Variants in CUX1 observed in about 807,000 individuals in gnomAD.
The protein encoded by CUX1 is cut like homeobox 1, also known as protein CASP.
A neutral mutation model predicts 158.8 loss-of-function variants in CUX1; 31 were observed. That is an observed-to-expected ratio of 0.20 (90% confidence interval 0.15 to 0.26). CUX1 has a LOEUF of 0.26. Ranked by LOEUF, CUX1 falls within the 10% of genes least tolerant of loss-of-function variation. CUX1 has a pLI of 1.00. For missense variants in CUX1, 1,589 were observed against 2,014.6 expected (o/e 0.79, Z 4.04); for synonymous variants, 879 against 862.1 (o/e 1.02, Z -0.34).
intron 3 of CUX1, among the ~76,000 whole-genome samples, chr7:102,066,459 C>T (rs991872002): frequency 4.6e-5 from 7 of 152,094 alleles, no homozygotes; most frequent in Non-Finnish European, 5.9e-5. Flanking sequence ...CGAAGTGTGC[C>T]GTGCAAATTA....
intron 3 of CUX1, among the ~76,000 whole-genome samples, chr7:102,040,291 C>T (rs1383249143): frequency 6.6e-6 from 1 of 152,094 alleles, no homozygotes; most frequent in African/African-American, 2.4e-5. Context: ...GACGGAACAT[C>T]AGAGGAAAGA....
intron 11 of CUX1, among the ~76,000 whole-genome samples, chr7:102,186,004 G>A (rs374913213): frequency 5.9e-5 from 9 of 152,202 alleles, no homozygotes; most frequent in African/African-American, 1.7e-4. Context: ...CAGCGGTAGC[G>A]TGACCTGACA....
intron 18 of CUX1, chr7:102,278,139 G>T: frequency 9.0e-7 from 1 of 1,107,396 alleles, no homozygotes; most frequent in South Asian, 1.5e-5. Flanking sequence ...TCTGGAGATG[G>T]GAGGGTCGGG....
downstream of CUX1, among the ~76,000 whole-genome samples, chr7:102,259,420 T>A (rs1294164496): frequency 6.6e-6 from 1 of 152,102 alleles, no homozygotes; most frequent in African/African-American, 2.4e-5. Flanking sequence ...AAACCCCGTC[T>A]CTACTAAAAA....
chr7:101,960,424 C>T (rs1263897856), intron 2 of CUX1: 1 of 152,172 alleles, frequency 6.6e-6, no homozygotes, highest in Non-Finnish European at 1.5e-5. Context: ...CACTTGAGCT[C>T]AGGAGTCTGA....
intron 2 of CUX1, among the ~76,000 whole-genome samples, chr7:101,929,216 A>T (rs1484393175): frequency 6.6e-6 from 1 of 152,074 alleles, no homozygotes; most frequent in Non-Finnish European, 1.5e-5. Flanking sequence ...ACGAACACTT[A>T]AAAAAATTAT....
At chr7:102,004,124 G>C (rs986327401) in intron 2 of CUX1, among the ~76,000 whole-genome samples, 7 of 152,206 alleles carry the variant, frequency 4.6e-5, no homozygotes, top group African/African-American at 1.4e-4. Flanking sequence ...GGTGGACCAG[G>C]TGAGCTATCC....
intron 1 of CUX1, among the ~76,000 whole-genome samples, chr7:101,895,679 C>G (rs1801386971): frequency 6.6e-6 from 1 of 152,110 alleles, no homozygotes. Context: ...ACCTGAAGTC[C>G]TGAATCCCTT....
intron 8 of CUX1, chr7:102,115,569 A>G: frequency 3.3e-6 from 1 of 303,114 alleles, no homozygotes; most frequent in Non-Finnish European, 6.0e-6. Context: ...TGTGGAGTTG[A>G]GTCTGGGTAA....
At chr7:102,169,644 GCCATGGTATGTCTTTTC>G (rs1791493525) in intron 9 of CUX1, among the ~76,000 whole-genome samples, 1 of 152,196 alleles carries the variant, frequency 6.6e-6, no homozygotes, top group Non-Finnish European at 1.5e-5. Flanking sequence ...TGGGTAACTT[GCCATGGTATGTCTTTTC>G]CCAGACACCC....
At chr7:101,994,329 G>A (rs181682890) in intron 2 of CUX1, among the ~76,000 whole-genome samples, 121 of 152,322 alleles carry the variant, frequency 7.9e-4, no homozygotes, top group African/African-American at 2.7e-3. Context: ...GAGGCCAGGG[G>A]CAGTAGCTCA....
intron 2 of CUX1, among the ~76,000 whole-genome samples, chr7:101,957,140 C>T (rs1470898867): frequency 6.6e-6 from 1 of 152,124 alleles, no homozygotes; most frequent in Non-Finnish European, 1.5e-5. Flanking sequence ...TTTACTAACA[C>T]AGAAAAGATC....
chr7:102,215,055 G>A (rs1796913168), intron 20 of CUX1, among the ~76,000 whole-genome samples: 1 of 152,124 alleles, frequency 6.6e-6, no homozygotes, highest in East Asian at 1.9e-4. Context: ...GGAGGCTGAG[G>A]AGAGAGGACA....
chr7:102,111,844 A>G (rs1489897740), intron 7 of CUX1, 70 bp downstream of exon 7: 15 of 1,400,050 alleles, frequency 1.1e-5, no homozygotes, highest in Non-Finnish European at 1.4e-5. Flanking sequence ...TCAGCCCCTG[A>G]CCGCCCCGGT....
chr7:101,927,519 C>T (rs1041185485), intron 2 of CUX1, among the ~76,000 whole-genome samples: 3 of 152,094 alleles, frequency 2.0e-5, no homozygotes, highest in South Asian at 2.1e-4. Flanking sequence ...ATTAGCCGGG[C>T]GTGGTGGTGC....
At chr7:101,845,775 G>C (rs1313356557) in intron 1 of CUX1, among the ~76,000 whole-genome samples, 1 of 152,206 alleles carries the variant, frequency 6.6e-6, no homozygotes, top group Non-Finnish European at 1.5e-5. Context: ...CCCGCACTTT[G>C]GGAGGCTGAG....
rs1554506642 is a variant in CUX1, at chr7:102,160,190, A to AAT, written c.723+1583_723+1584insTA. On this transcript the variant is annotated intron_variant, in intron 9 of 23. Transcript: ENST00000292535. ...CGAGAATCTGTCTAAAAAAAAAAAA[A>AAT]AGCAGTTACTGGAAGGAGTTACCTT... Among the ~76,000 whole-genome samples, 6 of 151,660 alleles carry AAT rather than the reference A, an allele frequency of 4.0e-5. No individual in the cohort carries two copies. The South Asian group carries it at 6.2e-4, about 16-fold the overall frequency.
At chr7:101,817,220 C>T (rs1791942231), upstream of CUX1, 1 of 984,480 alleles carries the variant, frequency 1.0e-6, no homozygotes, top group Non-Finnish European at 1.2e-6. The surrounding 1 kb of genome is among the most constrained non-coding windows in gnomAD (Gnocchi z 4.1). Flanking sequence ...TGCCTCCCCG[C>T]CGCCGGTCCG....
chr7:102,040,940 C>T (rs181549368), intron 3 of CUX1, among the ~76,000 whole-genome samples: 351 of 152,282 alleles, frequency 2.3e-3, no homozygotes, highest in Non-Finnish European at 3.8e-3. Context: ...CTTTGGTTGA[C>T]TATCGCTAGC....
Sources: allele counts gnomAD v4.1 joint callset (sites outside exome capture counted in the v4.1 genomes callset), GRCh38; gene constraint gnomAD v4.1.1; non-coding constraint Gnocchi (gnomAD v3.1); transcripts MANE v1.5; gene names NCBI Gene and HGNC (gene_info 2026-07-23, HGNC 2026-07-21).